The following SRPRB variants were observed in gnomAD, a reference collection of about 807,000 sequenced individuals.
The protein encoded by SRPRB is SRP receptor subunit beta.
A neutral mutation model predicts 31.9 loss-of-function variants in SRPRB; 20 were observed. The ratio of observed to expected loss-of-function variants is 0.63; its 90% CI spans 0.44 to 0.91. The LOEUF (loss-of-function observed/expected upper bound fraction) is 0.91, where lower values mean the gene tolerates loss of function less well. Among genes scored for constraint, SRPRB ranks in the 40% least tolerant of loss-of-function variants. The pLI is 0.00. For synonymous variants in SRPRB, 146 were observed against 132.8 expected, an observed-to-expected ratio of 1.10 and a Z score of -0.68; for missense variants, 321 against 324.9, an observed-to-expected ratio of 0.99 and a Z score of 0.09.
chr3:133,806,835 C>A, intron 2 of SRPRB, 132 bp downstream of exon 2: 1 of 662,780 alleles, frequency 1.5e-6, no homozygotes, highest in Non-Finnish European at 2.6e-6. Flanking sequence ...TCTTGACTTA[C>A]TTGGGAGAAC....
intron 1 of SRPRB, chr3:133,784,679 T>A (rs922316564): frequency 6.6e-6 from 1 of 151,982 alleles, no homozygotes; most frequent in Non-Finnish European, 1.5e-5. Context: ...TGCCTGATGA[T>A]CTGAGGTGGA....
intron 3 of SRPRB, 112 bp from the exon 4 acceptor site, chr3:133,811,005 C>A: frequency 1.0e-6 from 1 of 979,352 alleles, no homozygotes; most frequent in Non-Finnish European, 1.5e-6. Context: ...GCTTTGTGAA[C>A]ATTTGTTTGG....
Position 133,820,166 on chromosome 3 carries a change from GATTTCCAGTTGCACT to G in SRPRB, c.*413_*427del. On this transcript the variant is annotated 3_prime_UTR_variant, in exon 7 of 7. Transcript: ENST00000678299. ...AATCCGCCTATGTATGAAGCTAGTTGATTTCCAGTTGCACTATTTCCAGTTGCCTCTGAAGTTCAC... is the reference window on the plus strand; with the variant it reads ...AATCCGCCTATGTATGAAGCTAGTTGATTTCCAGTTGCCTCTGAAGTTCAC... 5.3e-6 allele frequency: 1 copy of G among 187,028 alleles called. No individual in the cohort carries two copies. The highest frequency in any genetic ancestry group is 1.3e-4 in the East Asian group (1 of 7,926). The allele number at this position is 187,028 out of a possible 1,614,324, so 11.6% of individuals were successfully genotyped here.
chr3:133,807,693 A>G (rs1311038479), intron 2 of SRPRB, 53 bp from the exon 3 acceptor site: 3 of 1,195,592 alleles, frequency 2.5e-6, no homozygotes, highest in Non-Finnish European at 2.5e-6. Context: ...ATATAACTCA[A>G]TTTAGGTGTG....
chr3:133,798,572 T>C (rs1379450469), intron 1 of SRPRB, among the ~76,000 whole-genome samples: 1 of 152,222 alleles, frequency 6.6e-6, no homozygotes, highest in Non-Finnish European at 1.5e-5. Flanking sequence ...AAATTTTTGT[T>C]CCAAGAAAGG....
intron 2 of SRPRB, 133 bp from the exon 3 acceptor site, chr3:133,807,613 A>T: frequency 1.6e-6 from 1 of 638,232 alleles, no homozygotes. Flanking sequence ...AAAAAAAATC[A>T]ATATCGTCTT....
Position 133,806,679 on chromosome 3 carries a change from C to A in SRPRB, c.225C>A (p.Ser75=). The A allele has an allele frequency of 1.2e-6, 2 of 1,613,976 alleles. No individual in the cohort carries two copies. Among genetic ancestry groups the A allele is most frequent in the Non-Finnish European group, 1.7e-6 (2 of 1,179,926 alleles). The change falls in exon 2 of 7, where the codon TCC becomes TCA. Residue 75 remains serine (S), a synonymous_variant. Transcript: ENST00000678299. The part of the protein sequence containing the change: ...RAVLLVGLCD[S]GKTLLFVRLL... ...TTCTTCTTGTTGGCCTTTGTGATTC[C>A]GGGAAAACGTTGCTCTTTGTCAGGG...
chr3:133,818,822 GTT>G (rs1491017109), intron 6 of SRPRB, among the ~76,000 whole-genome samples: 6 of 149,678 alleles, frequency 4.0e-5, no homozygotes, highest in African/African-American at 1.5e-4. Flanking sequence ...GTGTGTGTGT[GTT>G]CCTTCCTAAA....
At chr3:133,816,332 G>A (rs1035660391) in intron 5 of SRPRB, among the ~76,000 whole-genome samples, 4 of 152,144 alleles carry the variant, frequency 2.6e-5, no homozygotes, top group Non-Finnish European at 4.4e-5. Flanking sequence ...TGCAATTAGC[G>A]TCATTACCTG....
rs1448666059 is a variant in SRPRB at position 133,821,011 on chromosome 3, C to G, written c.*1245C>G. ...GCCATGGTAGGAGAGGCCCACAGTT[C>G]TCTGGAGCATGCAGCAGGGGCACCC... On this transcript the variant is annotated 3_prime_UTR_variant, in exon 7 of 7. Transcript: ENST00000678299. 1 of 152,570 alleles carries G rather than the reference C, an allele frequency of 6.6e-6. No individual in the cohort carries two copies. The highest frequency in any genetic ancestry group is 1.5e-5 in the Non-Finnish European group (1 of 68,370). 9.5% of individuals were successfully genotyped at this position (152,570 alleles called of 1,614,324 possible).
chr3:133,821,556 C>G (rs554502196), downstream of SRPRB: 2 of 152,204 alleles, frequency 1.3e-5, no homozygotes, highest in African/African-American at 4.8e-5. Context: ...GAGGAAGCAG[C>G]ACACCAGAAA....
At chr3:133,815,520 G>A in intron 4 of SRPRB, 70 bp from the exon 5 acceptor site, 1 of 1,588,718 alleles carries the variant, frequency 6.3e-7, no homozygotes, top group Non-Finnish European at 8.6e-7. Flanking sequence ...AGAAGTTCAG[G>A]ATAGTTTTTC....
chr3:133,792,116 A>G (rs992699260), intron 1 of SRPRB: 1 of 152,214 alleles, frequency 6.6e-6, no homozygotes, highest in Admixed American at 6.5e-5. Context: ...AAATTGCTCA[A>G]TTTATTTTGG....
chr3:133,828,166 C>G (rs139762506), downstream of SRPRB: 1 of 591,686 alleles, frequency 1.7e-6, no homozygotes, highest in Non-Finnish European at 3.0e-6. Flanking sequence ...CAGCTCCACA[C>G]GAGGTTGACG....
At chr3:133,790,281 A>G (rs1416956794) in intron 1 of SRPRB, 2 of 152,234 alleles carry the variant, frequency 1.3e-5, no homozygotes, top group Admixed American at 6.5e-5. Context: ...ATAAATTCCC[A>G]TATCTGATAG....
rs747724868 is a variant in SRPRB at position 133,816,859 on chromosome 3, T to C, written c.548-19T>C. On this transcript the variant is annotated intron_variant, in intron 5 of 6. Coordinates refer to ENST00000678299, the MANE Select transcript of SRPRB (RefSeq NM_001379313.1). ...CTCATTCTCGTTTAAACTACAACAGTGTCTTTATTTCTTTACAGATATTGC... is the reference window on the plus strand; with the variant it reads ...CTCATTCTCGTTTAAACTACAACAGCGTCTTTATTTCTTTACAGATATTGC... 2 of 1,598,846 alleles carry C rather than the reference T, an allele frequency of 1.3e-6. No individual in the cohort carries two copies. The highest frequency in any genetic ancestry group is 2.3e-5 in the South Asian group (2 of 87,748).
At chr3:133,798,216 G>A (rs1935007592) in intron 1 of SRPRB, among the ~76,000 whole-genome samples, 1 of 152,208 alleles carries the variant, frequency 6.6e-6, no homozygotes, top group African/African-American at 2.4e-5. Context: ...ACTGAGCAGT[G>A]TATATCAGGA....
At chr3:133,821,723 C>T (rs1935478616), downstream of SRPRB, among the ~76,000 whole-genome samples, 1 of 152,220 alleles carries the variant, frequency 6.6e-6, no homozygotes, top group South Asian at 2.1e-4. Context: ...ACCCTACTCT[C>T]AGACAATTTG....
Position 133,815,715 on chromosome 3 carries a change from G to C in SRPRB, c.536G>C (p.Cys179Ser). 6.2e-7 allele frequency: 1 copy of C among 1,613,042 alleles called. No homozygotes were observed. The highest frequency in any genetic ancestry group is 8.5e-7 in the Non-Finnish European group (1 of 1,179,384). ...LKNTPSFLIA[C>S]NKQDIAMAKS... is the part of the protein sequence containing the mutation. ...AATACACCATCATTCTTAATAGCCT[G>C]CAATAAGCAAGGTGCCATCATGTTT... Residue 179 changes from cysteine (C) to serine (S), a missense_variant, in exon 5 of 7, where the codon TGC (cysteine) becomes TCC (serine). Physicochemically the swap from Cys to Ser is moderately radical, Grantham distance 112 (BLOSUM62 -1). Transcript: ENST00000678299.
Sources: gnomAD v4.1 joint callset for allele counts (sites outside exome capture counted in the v4.1 genomes callset) on GRCh38, gnomAD v4.1.1 for gene constraint, MANE v1.5 for transcripts, NCBI Gene and HGNC (gene_info 2026-07-23, HGNC 2026-07-21) for gene names.